Variants in SLC2A4 observed in about 807,000 individuals in gnomAD.
The protein encoded by SLC2A4 is solute carrier family 2, facilitated glucose transporter member 4.
In SLC2A4, 31 loss-of-function variants were observed where a neutral mutation model predicts 53.3. The observed-to-expected ratio is 0.58, with a 90% CI of 0.44 to 0.78. The LOEUF (loss-of-function observed/expected upper bound fraction) is 0.78. SLC2A4 is among the 30% of genes least tolerant of loss of function. SLC2A4 has a pLI of 0.00. For missense variants in SLC2A4, 538 were observed against 655.7 expected, an observed-to-expected ratio of 0.82 and a Z score of 1.96; for synonymous variants, 276 against 281.9, an observed-to-expected ratio of 0.98 and a Z score of 0.21.
In SLC2A4 at chr17:7,287,115, GTTTT is replaced by G. The variant is rs35240617; in HGVS notation, c.*512_*515del. 7.3e-3 allele frequency: 710 copies of G among 97,868 alleles called. 34 individuals carry two copies. The highest frequency in any genetic ancestry group is 0.027 in the African/African-American group (638 of 23,970). The allele number at this position is 97,868 out of a possible 1,614,324, so 6.1% of individuals were successfully genotyped here. A position where few individuals can be genotyped will look rare whatever the true frequency, so the allele number is the denominator to read the frequency against. On this transcript the variant is annotated 3_prime_UTR_variant, in exon 11 of 11. Coordinates refer to ENST00000317370, the MANE Select transcript of SLC2A4 (RefSeq NM_001042.3). Reference sequence around the variant, plus strand: ...TGCCACGCAGACTCTGGGCAAAGGGGTTTTTTTTTTTTTTTTTTTTTTTTTTTTT... The same window carrying G: ...TGCCACGCAGACTCTGGGCAAAGGGGTTTTTTTTTTTTTTTTTTTTTTTTT...
Position 7,284,114 on chromosome 17 carries a change from GC to G in SLC2A4, c.564+27del, listed in dbSNP as rs1160217298. On this transcript the variant is annotated intron_variant, in intron 5 of 10. Coordinates refer to ENST00000317370, the MANE Select transcript of SLC2A4 (RefSeq NM_001042.3). The surrounding 1 kb of genome is among the most constrained non-coding windows in gnomAD (Gnocchi z 7.5). Reference sequence around the variant, plus strand: ...GGTGACCGGAGCAAGCCTCATGGGTGCCTGGGCAGTGGTTAGAGTGGGGCTC... The same window carrying G: ...GGTGACCGGAGCAAGCCTCATGGGTGCTGGGCAGTGGTTAGAGTGGGGCTC... The G allele has an allele frequency of 2.5e-6, 4 of 1,611,070 alleles. No individual in the cohort carries two copies. In the African/African-American group the frequency reaches 5.3e-5, roughly 22 times the overall value.
In SLC2A4 at chr17:7,282,247, G is replaced by C. The variant is rs1041056956; in HGVS notation, c.33+280G>C. 1 of 601,968 alleles carries C rather than the reference G, an allele frequency of 1.7e-6. No individual in the cohort carries two copies. The highest frequency in any genetic ancestry group is 2.2e-5 in the Admixed American group (1 of 45,216). The allele number at this position is 601,968 out of a possible 1,614,324, so 37.3% of individuals were successfully genotyped here. On this transcript the variant is annotated intron_variant, in intron 1 of 10. Coordinates refer to ENST00000317370, the MANE Select transcript of SLC2A4 (RefSeq NM_001042.3). The surrounding 1 kb of genome is among the most constrained non-coding windows in gnomAD (Gnocchi z 4.1). Reference sequence around the variant, plus strand: ...GCCTAGTAGGCGGCGCGGCGCTCCGGAATCGGGGACACCCTGCCCTCGATC... The same window carrying C: ...GCCTAGTAGGCGGCGCGGCGCTCCGCAATCGGGGACACCCTGCCCTCGATC...
Position 7,285,146 on chromosome 17 carries a change from T to A in SLC2A4, c.1079T>A (p.Met360Lys). ...RTLHLLGLAGMCGCAILMTVA... is the reference protein window; with the variant it reads ...RTLHLLGLAGKCGCAILMTVA... ...CTCCATCTCCTGGGCCTGGCGGGCATGTGTGGCTGTGCCATCCTGATGACT... is the reference window on the plus strand; with the variant it reads ...CTCCATCTCCTGGGCCTGGCGGGCAAGTGTGGCTGTGCCATCCTGATGACT... Residue 360 changes from methionine (M) to lysine (K), a missense_variant, in exon 9 of 11, where the codon ATG (methionine) becomes AAG (lysine). Physicochemically the swap from Met to Lys is moderately conservative, Grantham distance 95. Transcript: ENST00000317370. This position sits in a 1 kb window ranked among gnomAD's most constrained non-coding sequence, Gnocchi z 6.0. 1.9e-6 allele frequency: 3 copies of A among 1,604,090 alleles called. No homozygotes were observed. The highest frequency in any genetic ancestry group is 1.3e-5 in the African/African-American group (1 of 75,046).
chr17:7,284,524 T>C lies in SLC2A4; in HGVS notation c.767T>C (p.Val256Ala). 2 of 1,614,198 alleles carry C rather than the reference T, an allele frequency of 1.2e-6. No individual in the cohort carries two copies. The highest frequency in any genetic ancestry group is 2.7e-5 in the African/African-American group (2 of 75,048). The part of the protein sequence containing the change: ...RLTGWADVSG[V>A]LAELKDEKRK... ...ACAGGCTGGGCCGATGTTTCTGGAG[T>C]GCTGGCTGAGCTGAAGGATGAGAAG... The change falls in exon 7 of 11, where the codon GTG becomes GCG. Residue 256 changes from valine (V) to alanine (A), a missense_variant. Physicochemically the swap from Val to Ala is moderately conservative, Grantham distance 64. Coordinates refer to ENST00000317370, the MANE Select transcript of SLC2A4 (RefSeq NM_001042.3). This position sits in a 1 kb window ranked among gnomAD's most constrained non-coding sequence, Gnocchi z 7.5.
rs1394139787 is a variant in SLC2A4, at chr17:7,284,768, G to C, written c.916-67G>C. On this transcript the variant is annotated intron_variant, in intron 7 of 10. Coordinates refer to ENST00000317370, the MANE Select transcript of SLC2A4 (RefSeq NM_001042.3). The surrounding 1 kb of genome is among the most constrained non-coding windows in gnomAD (Gnocchi z 7.5). ...TCCACCAACACCCAGGGTAGGGCCA[G>C]CCTGTTGTGGCTGGAGTAGAGGAAG... is the stretch of plus-strand genomic sequence containing the variant. The C allele has an allele frequency of 7.4e-6, 12 of 1,611,368 alleles. No individual in the cohort carries two copies. Among genetic ancestry groups the C allele is most frequent in the Non-Finnish European group, 9.3e-6 (11 of 1,177,502 alleles).
rs1597598485 is a variant in SLC2A4, at chr17:7,281,855, GCTCCAGGCCGGAGTCAGAGA to G, written c.-72_-53del. ...CCCCCGCGGCCTCCGCAGGTTCTGCGCTCCAGGCCGGAGTCAGAGACTCCAGGATCGGTTCTTTCATCTTC... is the reference window on the plus strand; with the variant it reads ...CCCCCGCGGCCTCCGCAGGTTCTGCGCTCCAGGATCGGTTCTTTCATCTTC... On this transcript the variant is annotated 5_prime_UTR_variant, in exon 1 of 11. Transcript: ENST00000317370. The G allele has an allele frequency of 6.7e-7, 1 of 1,482,686 alleles. No individual in the cohort carries two copies. The allele number at this position is 1,482,686 out of a possible 1,614,324, so 91.8% of individuals were successfully genotyped here.
rs1490379310 is a variant in SLC2A4 at position 7,283,253 on chromosome 17, A to G, written c.42A>G (p.Glu14=). ...GFQQIGSEDG[E]PPQQRVTGTL... ...TGTGTCTGCCTGTTCAGGATGGGGA[A>G]CCCCCTCAGCAGCGAGTGACTGGGA... The change falls in exon 2 of 11, where the codon GAA becomes GAG. Residue 14 remains glutamate (E), a synonymous_variant. Coordinates refer to ENST00000317370, the MANE Select transcript of SLC2A4 (RefSeq NM_001042.3). The surrounding 1 kb of genome is among the most constrained non-coding windows in gnomAD (Gnocchi z 5.8). The G allele has an allele frequency of 2.2e-5, 35 of 1,612,750 alleles. No individual in the cohort carries two copies. The highest frequency in any genetic ancestry group is 3.0e-5 in the Non-Finnish European group (35 of 1,179,428).
At position 7,286,592 on chromosome 17, in the gene SLC2A4, C is replaced by T. The variant is rs772855889; in HGVS notation, c.1493C>T (p.Thr498Ile). 11 of 1,614,192 alleles carry T rather than the reference C, an allele frequency of 6.8e-6. No homozygotes were observed. Among genetic ancestry groups the T allele is most frequent in the Non-Finnish European group, 7.6e-6 (9 of 1,180,038 alleles). Residue 498 changes from threonine to isoleucine, a missense_variant, in exon 11 of 11, where the codon ACA (threonine) becomes ATA (isoleucine). Thr to Ile is a moderately conservative substitution (Grantham distance 89). Transcript: ENST00000317370. ...TTAGAGCAGGAGGTGAAACCCAGCACAGAACTTGAGTATTTAGGGCCAGAT... is the reference window on the plus strand; with the variant it reads ...TTAGAGCAGGAGGTGAAACCCAGCATAGAACTTGAGTATTTAGGGCCAGAT... Reference protein sequence around the residue: ...SLLEQEVKPSTELEYLGPDEN... With the variant: ...SLLEQEVKPSIELEYLGPDEN...
At position 7,282,001 on chromosome 17, in the gene SLC2A4, G is replaced by GGGGGGGCC; in HGVS notation, c.33+34_33+35insGGGGGGCC. Reference sequence around the variant, plus strand: ...CATCATGAGGGGGCGGGGCGGGGGGGCACGGGTCCCGCTTTTCTTGGGCTG... The same window carrying GGGGGGGCC: ...CATCATGAGGGGGCGGGGCGGGGGGGGGGGGGCCCACGGGTCCCGCTTTTCTTGGGCTG... On this transcript the variant is annotated intron_variant, in intron 1 of 10. Transcript: ENST00000317370. This position sits in a 1 kb window ranked among gnomAD's most constrained non-coding sequence, Gnocchi z 4.1. 1 of 535,040 alleles carries GGGGGGGCC rather than the reference G, an allele frequency of 1.9e-6. No individual in the cohort carries two copies. Among genetic ancestry groups the GGGGGGGCC allele is most frequent in the Non-Finnish European group, 3.7e-6 (1 of 269,462 alleles). 33.1% of individuals were successfully genotyped at this position (535,040 alleles called of 1,614,324 possible).
rs1252411675 is a variant in SLC2A4, at chr17:7,287,768, A to C, written c.*1139A>C. The C allele has an allele frequency of 6.6e-6, 1 of 152,208 alleles. No homozygotes were observed. The highest frequency in any genetic ancestry group is 1.9e-4 in the East Asian group (1 of 5,204). 9.4% of individuals were successfully genotyped at this position (152,208 alleles called of 1,614,324 possible). On this transcript the variant is annotated 3_prime_UTR_variant, in exon 11 of 11. Transcript: ENST00000317370. The stretch of plus-strand genomic sequence containing the variant: ...GTTTGAAAAGGGGATTGAGAGAAGA[A>C]ACCAAAGGTCGGTTGTACTAAATGT...
In SLC2A4 at chr17:7,282,006, G is replaced by A. The variant is rs1353616283; in HGVS notation, c.33+39G>A. The A allele has an allele frequency of 2.0e-6, 3 of 1,521,168 alleles. No individual in the cohort carries two copies. The African/African-American group carries it at 4.1e-5, about 21-fold the overall frequency. 94.2% of individuals were successfully genotyped at this position (1,521,168 alleles called of 1,614,324 possible). ...TGAGGGGGCGGGGCGGGGGGGCACG[G>A]GTCCCGCTTTTCTTGGGCTGGGGTC... is the stretch of plus-strand genomic sequence containing the variant. On this transcript the variant is annotated intron_variant, in intron 1 of 10. Coordinates refer to ENST00000317370, the MANE Select transcript of SLC2A4 (RefSeq NM_001042.3). This position sits in a 1 kb window ranked among gnomAD's most constrained non-coding sequence, Gnocchi z 4.1.
rs200125590 is a variant in SLC2A4, at chr17:7,283,438, G to A, written c.151-35G>A. 1.1e-4 allele frequency: 176 copies of A among 1,612,476 alleles called. No homozygotes were observed. The African/African-American group carries it at 1.3e-3, about 12-fold the overall frequency. ...GTCTCGGGGGTGGTGGAAAGGGGACGGTCTGCAGGAAATCTGTCCTCTGCT... is the reference window on the plus strand; with the variant it reads ...GTCTCGGGGGTGGTGGAAAGGGGACAGTCTGCAGGAAATCTGTCCTCTGCT... On this transcript the variant is annotated intron_variant, in intron 2 of 10. Transcript: ENST00000317370. This position sits in a 1 kb window ranked among gnomAD's most constrained non-coding sequence, Gnocchi z 5.8.
chr17:7,283,435 G>C lies in SLC2A4; in HGVS notation c.151-38G>C. On this transcript the variant is annotated intron_variant, in intron 2 of 10. Transcript: ENST00000317370. This position sits in a 1 kb window ranked among gnomAD's most constrained non-coding sequence, Gnocchi z 5.8. ...GGTGTCTCGGGGGTGGTGGAAAGGG[G>C]ACGGTCTGCAGGAAATCTGTCCTCT... 6.2e-7 allele frequency: 1 copy of C among 1,612,928 alleles called. No individual in the cohort carries two copies. The highest frequency in any genetic ancestry group is 2.2e-5 in the East Asian group (1 of 44,862).
rs745605510 is a variant in SLC2A4 at position 7,283,893 on chromosome 17, G to A, written c.448+31G>A. ...CACGGGCACCACAGCCCTGCCTAGC[G>A]CCCTGTTCTCTTTCACCATGCCTGG... On this transcript the variant is annotated intron_variant, in intron 4 of 10. Transcript: ENST00000317370. The surrounding 1 kb of genome is among the most constrained non-coding windows in gnomAD (Gnocchi z 5.8). 2.7e-5 allele frequency: 44 copies of A among 1,613,974 alleles called. 1 individual carries two copies. Among genetic ancestry groups the A allele is most frequent in the Admixed American group, 8.3e-5 (5 of 60,016 alleles).
At position 7,283,917 on chromosome 17, in the gene SLC2A4, G is replaced by A; in HGVS notation, c.448+55G>A. 6.2e-7 allele frequency: 1 copy of A among 1,614,012 alleles called. No homozygotes were observed. The highest frequency in any genetic ancestry group is 1.1e-5 in the South Asian group (1 of 91,086). ...CGCCCTGTTCTCTTTCACCATGCCT[G>A]GGCTTTCAGATGGGAATGGACACCT... is the stretch of plus-strand genomic sequence containing the variant. On this transcript the variant is annotated intron_variant, in intron 4 of 10. Transcript: ENST00000317370. The surrounding 1 kb of genome is among the most constrained non-coding windows in gnomAD (Gnocchi z 5.8).
At chr17:7,286,235 G>A in intron 10 of SLC2A4, 191 bp from the exon 11 acceptor site, 3 of 712,532 alleles carry the variant, frequency 4.2e-6, no homozygotes, top group South Asian at 3.2e-5. Context: ...AACTAAGAGT[G>A]TTTGGGGTTC....
In SLC2A4 at chr17:7,284,369, T is replaced by C. The variant is rs778361681; in HGVS notation, c.717T>C (p.Pro239=). The C allele has an allele frequency of 1.9e-6, 3 of 1,614,114 alleles. No homozygotes were observed. The South Asian group carries it at 3.3e-5, about 18-fold the overall frequency. Residue 239 remains proline (P), a synonymous_variant, in exon 6 of 11, where the codon CCT becomes CCC. Coordinates refer to ENST00000317370, the MANE Select transcript of SLC2A4 (RefSeq NM_001042.3). This position sits in a 1 kb window ranked among gnomAD's most constrained non-coding sequence, Gnocchi z 7.5. ...YLYIIQNLEG[P]ARKSLKRLTG... The stretch of plus-strand genomic sequence containing the variant: ...ACATCATCCAGAATCTCGAGGGGCC[T>C]GCCAGAAAGAGTAAGCTCTCCCGCT...
chr17:7,283,449 A>T lies in SLC2A4; in HGVS notation c.151-24A>T. 1 of 1,612,902 alleles carries T rather than the reference A, an allele frequency of 6.2e-7. No individual in the cohort carries two copies. Among genetic ancestry groups the T allele is most frequent in the Non-Finnish European group, 8.5e-7 (1 of 1,179,366 alleles). ...GGTGGAAAGGGGACGGTCTGCAGGA[A>T]ATCTGTCCTCTGCTGTCCCCCAGGT... is the stretch of plus-strand genomic sequence containing the variant. On this transcript the variant is annotated intron_variant, in intron 2 of 10. Coordinates refer to ENST00000317370, the MANE Select transcript of SLC2A4 (RefSeq NM_001042.3). The surrounding 1 kb of genome is among the most constrained non-coding windows in gnomAD (Gnocchi z 5.8).
rs745429317 is a variant in SLC2A4, at chr17:7,284,392, G to A, written c.727+13G>A. The A allele has an allele frequency of 8.7e-6, 14 of 1,614,066 alleles. No individual in the cohort carries two copies. Among genetic ancestry groups the A allele is most frequent in the Admixed American group, 8.3e-5 (5 of 60,016 alleles). ...CCTGCCAGAAAGAGTAAGCTCTCCC[G>A]CTGCAGCCTGGCCCAGGCCCATGCC... On this transcript the variant is annotated intron_variant, in intron 6 of 10. Coordinates refer to ENST00000317370, the MANE Select transcript of SLC2A4 (RefSeq NM_001042.3). The surrounding 1 kb of genome is among the most constrained non-coding windows in gnomAD (Gnocchi z 7.5).
Sources: allele counts gnomAD v4.1 joint callset, GRCh38; gene constraint gnomAD v4.1.1; non-coding constraint Gnocchi (gnomAD v3.1); transcripts MANE v1.5; gene names NCBI Gene and HGNC (gene_info 2026-07-23, HGNC 2026-07-21).